Variants in ZNF608 observed in about 807,000 individuals in gnomAD.
The protein encoded by ZNF608 is renal carcinoma antigen NY-REN-36.
In ZNF608, 12 loss-of-function variants were observed where a neutral mutation model predicts 109.0. That is an observed-to-expected ratio of 0.11 (90% CI 0.07 to 0.18). The LOEUF (loss-of-function observed/expected upper bound fraction) is 0.18. Among genes scored for constraint, ZNF608 ranks in the 10% least tolerant of loss-of-function variants. The pLI, the probability that ZNF608 is intolerant of heterozygous loss-of-function variation, is 1.00. For synonymous variants in ZNF608, 732 were observed against 717.4 expected (o/e 1.02, Z -0.33); for missense variants, 1,707 against 1,879.3 (o/e 0.91, Z 1.70).
intron 3 of ZNF608, among the ~76,000 whole-genome samples, chr5:124,663,802 G>A (rs1751372252): frequency 6.6e-6 from 1 of 152,184 alleles, no homozygotes; most frequent in Non-Finnish European, 1.5e-5. Flanking sequence ...AATTTGATAA[G>A]CTTTCCAAAA....
intron 3 of ZNF608, among the ~76,000 whole-genome samples, chr5:124,679,433 CTCCT>C (rs536991634): frequency 6.7e-4 from 101 of 150,396 alleles, no homozygotes; most frequent in African/African-American, 1.1e-3. Context: ...CCCTCCCTCC[CTCCT>C]TCCTTCCTTC....
intron 3 of ZNF608, among the ~76,000 whole-genome samples, chr5:124,664,261 A>T (rs953175107): frequency 2.0e-5 from 3 of 152,218 alleles, no homozygotes; most frequent in Non-Finnish European, 4.4e-5. Flanking sequence ...GTCTTGAGTT[A>T]ATAAAGATGG....
chr5:124,679,433 C>CTCCTTCCTTCCTTCCT (rs536991634), intron 3 of ZNF608, among the ~76,000 whole-genome samples: 1 of 150,312 alleles, frequency 6.7e-6, no homozygotes, highest in African/African-American at 2.5e-5. Flanking sequence ...CCCTCCCTCC[C>CTCCTTCCTTCCTTCCT]TCCTTCCTTC....
At chr5:124,700,090 G>T (rs1425550945) in intron 3 of ZNF608, among the ~76,000 whole-genome samples, 1 of 152,096 alleles carries the variant, frequency 6.6e-6, no homozygotes, top group South Asian at 2.1e-4. Context: ...AGAAAAAAAA[G>T]TTCCCCCACC....
chr5:124,690,219 G>C (rs1752557983), intron 3 of ZNF608, among the ~76,000 whole-genome samples: 2 of 152,232 alleles, frequency 1.3e-5, no homozygotes, highest in African/African-American at 2.4e-5. Flanking sequence ...TGCTAGGGAT[G>C]GGGGAAGGAG....
chr5:124,704,306 C>T (rs888067001), intron 2 of ZNF608, among the ~76,000 whole-genome samples: 2 of 152,166 alleles, frequency 1.3e-5, no homozygotes, highest in South Asian at 2.1e-4. Context: ...ACTGTAGTAT[C>T]GGCTTCTCAT....
intron 3 of ZNF608, among the ~76,000 whole-genome samples, chr5:124,659,116 G>C (rs1226151593): frequency 6.7e-6 from 1 of 150,312 alleles, no homozygotes; most frequent in Non-Finnish European, 1.5e-5. Flanking sequence ...TCAAATCATT[G>C]GTCCCAGTCC....
At chr5:124,727,992 G>T (rs1469735210) in intron 2 of ZNF608, among the ~76,000 whole-genome samples, 1 of 152,146 alleles carries the variant, frequency 6.6e-6, no homozygotes, top group Non-Finnish European at 1.5e-5. Context: ...GCCCGCCTCG[G>T]CTTCCCAAAG....
rs1199463676 is a variant in ZNF608 at position 124,644,602 on chromosome 5, T to C, written c.3765A>G (p.Gln1255=). 6.2e-7 allele frequency: 1 copy of C among 1,612,006 alleles called. No individual in the cohort carries two copies. Reference sequence around the variant, plus strand: ...TCTCTCTATCAAGTTCTTCTGACTTTTGCTGATCCAGATATTTGGGCTGGT... The same window carrying C: ...TCTCTCTATCAAGTTCTTCTGACTTCTGCTGATCCAGATATTTGGGCTGGT... ...YVYQPKYLDQ[Q]KSEELDREKK... is the part of the protein sequence containing the mutation. The change falls in exon 6 of 10, where the codon CAA becomes CAG. Residue 1255 remains glutamine (Q), a synonymous_variant. Transcript: ENST00000513986.
intron 2 of ZNF608, among the ~76,000 whole-genome samples, chr5:124,729,375 G>A (rs897336483): frequency 2.0e-5 from 3 of 152,182 alleles, no homozygotes; most frequent in African/African-American, 7.2e-5. Context: ...TTGCCCTAAT[G>A]TTTGGTGAGG....
intron 3 of ZNF608, among the ~76,000 whole-genome samples, chr5:124,694,932 C>G (rs1472202173): frequency 6.6e-6 from 1 of 152,188 alleles, no homozygotes; most frequent in African/African-American, 2.4e-5. Flanking sequence ...AAGTTCACAG[C>G]CAATACAGAG....
chr5:124,727,948 G>A (rs573054088), intron 2 of ZNF608, among the ~76,000 whole-genome samples: 9 of 151,886 alleles, frequency 5.9e-5, no homozygotes, highest in Non-Finnish European at 1.2e-4. Context: ...CATGTTGGTC[G>A]GGCTGGTCTC....
At chr5:124,701,687 G>A (rs972620011) in intron 2 of ZNF608, among the ~76,000 whole-genome samples, 7 of 152,164 alleles carry the variant, frequency 4.6e-5, no homozygotes, top group Non-Finnish European at 8.8e-5. Flanking sequence ...TATAAGAGAT[G>A]AAATAAAATT....
At chr5:124,658,601 G>A (rs1447088482) in intron 3 of ZNF608, among the ~76,000 whole-genome samples, 1 of 152,160 alleles carries the variant, frequency 6.6e-6, no homozygotes, top group East Asian at 1.9e-4. Context: ...TCTGAAATCT[G>A]ATGAGTTTGG....
intron 3 of ZNF608, among the ~76,000 whole-genome samples, chr5:124,680,497 G>C (rs1223642545): frequency 6.6e-6 from 1 of 152,126 alleles, no homozygotes. Flanking sequence ...ACTGATAAAA[G>C]CAAGAGAAAA....
chr5:124,727,214 T>G (rs79399452), intron 2 of ZNF608, among the ~76,000 whole-genome samples: 1 of 152,118 alleles, frequency 6.6e-6, no homozygotes, highest in African/African-American at 2.4e-5. Context: ...AATAGAAAAT[T>G]TCACAACCCT....
chr5:124,656,178 C>A (rs1750997367), intron 3 of ZNF608, among the ~76,000 whole-genome samples: 1 of 152,086 alleles, frequency 6.6e-6, no homozygotes, highest in Admixed American at 6.5e-5. Context: ...TAGTGTATGG[C>A]AATGGAGCTT....
At chr5:124,681,408 G>C (rs922356960) in intron 3 of ZNF608, among the ~76,000 whole-genome samples, 5 of 152,172 alleles carry the variant, frequency 3.3e-5, no homozygotes, top group African/African-American at 1.2e-4. Flanking sequence ...AGTGAGCTGA[G>C]ATTGTGCCAC....
At chr5:124,656,726 C>A (rs914226764) in intron 3 of ZNF608, among the ~76,000 whole-genome samples, 1 of 149,356 alleles carries the variant, frequency 6.7e-6, no homozygotes, top group African/African-American at 2.5e-5. Context: ...CATTGGTATA[C>A]AATCTATGGA....
Sources: allele counts gnomAD v4.1 joint callset (sites outside exome capture counted in the v4.1 genomes callset), GRCh38; gene constraint gnomAD v4.1.1; transcripts MANE v1.5; gene names NCBI Gene and HGNC (gene_info 2026-07-23, HGNC 2026-07-21).